GLIS1: variants seen among roughly 807,000 people sequenced by gnomAD.
The protein encoded by GLIS1 is GLIS family zinc finger 1.
A neutral mutation model predicts 63.8 loss-of-function variants in GLIS1; 24 were observed. The ratio of observed to expected loss-of-function variants is 0.38; its 90% CI spans 0.27 to 0.53. The LOEUF is 0.53. Among genes scored for constraint, GLIS1 ranks in the 20% least tolerant of loss-of-function variants. GLIS1 has a pLI of 0.85. For synonymous variants in GLIS1, 450 were observed against 482.5 expected (o/e 0.93, Z 0.88); for missense variants, 1,036 against 1,074.1 (o/e 0.96, Z 0.50).
chr1:53,656,232 C>T (rs981423993), intron 2 of GLIS1, among the ~76,000 whole-genome samples: 8 of 152,274 alleles, frequency 5.3e-5, no homozygotes, highest in South Asian at 2.1e-4. Context: ...AGGGGAGTTG[C>T]GGCTCACAGG....
At chr1:53,721,168 A>C (rs1646750428) in intron 2 of GLIS1, among the ~76,000 whole-genome samples, 1 of 152,152 alleles carries the variant, frequency 6.6e-6, no homozygotes, top group Admixed American at 6.5e-5. Context: ...AAAGAGAACT[A>C]AATCTTCATC....
At chr1:53,649,156 T>A (rs1411539598) in intron 2 of GLIS1, among the ~76,000 whole-genome samples, 15 of 152,250 alleles carry the variant, frequency 9.9e-5, no homozygotes, top group Non-Finnish European at 1.8e-4. Context: ...ATAAAATGTA[T>A]GTAGATACTA....
chr1:53,725,242 C>T (rs1212097502), intron 2 of GLIS1, among the ~76,000 whole-genome samples: 1 of 152,192 alleles, frequency 6.6e-6, no homozygotes, highest in Non-Finnish European at 1.5e-5. Context: ...CTGCCCAAAG[C>T]AGTCCTCAAG....
intron 2 of GLIS1, among the ~76,000 whole-genome samples, chr1:53,735,059 C>A (rs894546221): frequency 6.6e-6 from 1 of 152,188 alleles, no homozygotes; most frequent in Non-Finnish European, 1.5e-5. Context: ...GGTTCAAGAA[C>A]CCACTCTCTT....
At chr1:53,672,307 C>A (rs576842611) in intron 2 of GLIS1, among the ~76,000 whole-genome samples, 1 of 152,352 alleles carries the variant, frequency 6.6e-6, no homozygotes, top group South Asian at 2.1e-4. Flanking sequence ...GCAAGTCAGT[C>A]CACCTCCACA....
chr1:53,593,796 A>C (rs1165271630), intron 4 of GLIS1, among the ~76,000 whole-genome samples: 1 of 152,216 alleles, frequency 6.6e-6, no homozygotes, highest in Non-Finnish European at 1.5e-5. Flanking sequence ...GAGGCTGGCC[A>C]CGCCTGTTTT....
chr1:53,576,263 GC>G (rs1202061870), intron 4 of GLIS1, among the ~76,000 whole-genome samples: 1 of 151,572 alleles, frequency 6.6e-6, no homozygotes, highest in East Asian at 1.9e-4. Flanking sequence ...CCTCCTCAAT[GC>G]CCCCTCCCAG....
At chr1:53,609,551 G>A (rs2316195) in intron 2 of GLIS1, among the ~76,000 whole-genome samples, 27,278 of 152,124 alleles carry the variant, frequency 0.18, 3,249 homozygotes, top group African/African-American at 0.33. Flanking sequence ...TTACTGGCGT[G>A]AGCCACCGCA....
At chr1:53,701,991 T>TAAA (rs1646527725) in intron 2 of GLIS1, among the ~76,000 whole-genome samples, 1 of 51,976 alleles carries the variant, frequency 1.9e-5, no homozygotes, top group Non-Finnish European at 3.7e-5. Flanking sequence ...AGGCTCTACC[T>TAAA]AAAAAAGAAA....
rs573396620 is a variant in GLIS1, at chr1:53,526,554, A to C, written c.1483-1667T>G. Among the ~76,000 whole-genome samples, 13 of 145,510 alleles carry C rather than the reference A, an allele frequency of 8.9e-5. No individual in the cohort carries two copies. The highest frequency in any genetic ancestry group is 6.5e-4 in the East Asian group (3 of 4,638). On this transcript the variant is annotated intron_variant, in intron 5 of 10. Coordinates refer to ENST00000628545, the MANE Select transcript of GLIS1 (RefSeq NM_001367484.1). The surrounding 1 kb of genome is among the most constrained non-coding windows in gnomAD (Gnocchi z 4.4). Reference sequence around the variant, plus strand: ...ACACACACACACACACACACACACAAAACCACCACCACCACACACACACAC... The same window carrying C: ...ACACACACACACACACACACACACACAACCACCACCACCACACACACACAC...
chr1:53,507,540 T>A (rs920709145), intron 10 of GLIS1, among the ~76,000 whole-genome samples: 4 of 152,228 alleles, frequency 2.6e-5, no homozygotes, highest in African/African-American at 9.6e-5. Flanking sequence ...TGAGCTGCTG[T>A]CATGCATTTG....
intron 2 of GLIS1, among the ~76,000 whole-genome samples, chr1:53,672,069 G>A (rs1243563857): frequency 1.3e-5 from 2 of 152,200 alleles, no homozygotes; most frequent in Non-Finnish European, 2.9e-5. Context: ...CAACTGCAGG[G>A]TAGGAGGGCC....
chr1:53,606,377 G>C (rs1645369696), intron 2 of GLIS1, among the ~76,000 whole-genome samples: 1 of 152,182 alleles, frequency 6.6e-6, no homozygotes, highest in Non-Finnish European at 1.5e-5. Flanking sequence ...TTTGCCCTCT[G>C]TGCCCCAGGA....
intron 6 of GLIS1, among the ~76,000 whole-genome samples, chr1:53,523,917 T>A (rs1644437373): frequency 6.6e-6 from 1 of 152,206 alleles, no homozygotes; most frequent in African/African-American, 2.4e-5. Flanking sequence ...TGGCCGCTGA[T>A]CCTGCACACA....
At chr1:53,691,629 C>T (rs1287999763) in intron 2 of GLIS1, among the ~76,000 whole-genome samples, 5 of 152,206 alleles carry the variant, frequency 3.3e-5, no homozygotes, top group African/African-American at 9.7e-5. Context: ...GGAGCTTCCA[C>T]ACCTTTTCCA....
rs551086441 is a variant in GLIS1 at position 53,631,651 on chromosome 1, C to T, written c.260-31373G>A. 7.9e-5 allele frequency among the ~76,000 whole-genome samples: 12 copies of T among 152,148 alleles called. No homozygotes were observed. In the East Asian group the frequency reaches 2.3e-3, roughly 29 times the overall value. On this transcript the variant is annotated intron_variant, in intron 2 of 10. Transcript: ENST00000628545. Reference sequence around the variant, plus strand: ...AATTATACAGAATGTTAGTGGTATACAGGAAAATAAAACAGGAAGGGGCAT... The same window carrying T: ...AATTATACAGAATGTTAGTGGTATATAGGAAAATAAAACAGGAAGGGGCAT...
intron 2 of GLIS1, among the ~76,000 whole-genome samples, chr1:53,664,137 A>G (rs946721296): frequency 5.9e-5 from 9 of 152,188 alleles, no homozygotes; most frequent in African/African-American, 2.2e-4. Context: ...GCCCACTTCC[A>G]GGGGAAAGCC....
chr1:53,574,310 T>C lies in GLIS1; in HGVS notation c.1320+19798A>G, dbSNP rs1645011294. 6.6e-6 allele frequency among the ~76,000 whole-genome samples: 1 copy of C among 152,156 alleles called. No individual in the cohort carries two copies. Among genetic ancestry groups the C allele is most frequent in the Non-Finnish European group, 1.5e-5 (1 of 68,026 alleles). Reference sequence around the variant, plus strand: ...TCCCATTCACTGCTCTGTCCCAGAATATGCACCGCTCTGTACCCAGAACAT... The same window carrying C: ...TCCCATTCACTGCTCTGTCCCAGAACATGCACCGCTCTGTACCCAGAACAT... On this transcript the variant is annotated intron_variant, in intron 4 of 10. Coordinates refer to ENST00000628545, the MANE Select transcript of GLIS1 (RefSeq NM_001367484.1). The surrounding 1 kb of genome is among the most constrained non-coding windows in gnomAD (Gnocchi z 4.2).
At chr1:53,638,369 A>G (rs1334077733) in intron 2 of GLIS1, among the ~76,000 whole-genome samples, 2 of 149,834 alleles carry the variant, frequency 1.3e-5, no homozygotes, top group East Asian at 4.0e-4. Flanking sequence ...AAGCTGAGCA[A>G]AACAGACACT....
Sources: gnomAD v4.1 joint callset for allele counts (sites outside exome capture counted in the v4.1 genomes callset) on GRCh38, gnomAD v4.1.1 for gene constraint, Gnocchi (gnomAD v3.1) non-coding constraint, MANE v1.5 for transcripts, NCBI Gene and HGNC (gene_info 2026-07-23, HGNC 2026-07-21) for gene names.